Variants in UNC50 observed in about 807,000 individuals in gnomAD.
UNC50 encodes the protein protein unc-50 homolog.
Under a neutral mutation model 31.5 loss-of-function variants are expected in UNC50, and 24 were observed. The ratio of observed to expected loss-of-function variants is 0.76; its 90% CI spans 0.55 to 1.07. The LOEUF (loss-of-function observed/expected upper bound fraction) is 1.07, where lower values mean the gene tolerates loss of function less well. Among genes scored for constraint, UNC50 ranks in the 50% least tolerant of loss-of-function variants. The pLI is 0.00. For synonymous variants in UNC50, 118 were observed against 114.7 expected (o/e 1.03, Z -0.18); for missense variants, 245 against 304.2 (o/e 0.81, Z 1.45).
chr2:98,610,773 A>G lies in UNC50; in HGVS notation c.281-2A>G, dbSNP rs199639979. On this transcript the variant is annotated splice_acceptor_variant, in intron 2 of 5. Coordinates refer to ENST00000357765, the MANE Select transcript of UNC50 (RefSeq NM_014044.7). LOFTEE classifies it high-confidence loss of function. ...AATGAATCTTGTGAATCTTTCTTTC[A>G]GTGTCCACTATAGGATTTGGCTTTG... is the stretch of plus-strand genomic sequence containing the variant. 4 of 1,613,242 alleles carry G rather than the reference A, an allele frequency of 2.5e-6. No individual in the cohort carries two copies. In the African/African-American group the frequency reaches 4.0e-5, roughly 16 times the overall value.
rs376319322 is a variant in UNC50 at position 98,618,352 on chromosome 2, G to T, written c.*48G>T. ...GTAACTGTGTCAACAGTATTGTGAA[G>T]TGATCATTTCTTGTAAAACTTGTAA... is the stretch of plus-strand genomic sequence containing the variant. On this transcript the variant is annotated 3_prime_UTR_variant, in exon 6 of 6. Coordinates refer to ENST00000357765, the MANE Select transcript of UNC50 (RefSeq NM_014044.7). 1 of 1,515,630 alleles carries T rather than the reference G, an allele frequency of 6.6e-7. No homozygotes were observed. Among genetic ancestry groups the T allele is most frequent in the South Asian group, 1.3e-5 (1 of 74,762 alleles). 93.9% of individuals were successfully genotyped at this position (1,515,630 alleles called of 1,614,324 possible). A position where few individuals can be genotyped will look rare whatever the true frequency, so the allele number is the denominator to read the frequency against.
At chr2:98,613,685 C>T (rs984902784) in intron 3 of UNC50, among the ~76,000 whole-genome samples, 16 of 152,202 alleles carry the variant, frequency 1.1e-4, no homozygotes, top group Non-Finnish European at 1.9e-4. Flanking sequence ...TTTGGGGACA[C>T]AGCCAAACAA....
In UNC50 at chr2:98,610,757, T is replaced by TG. The variant is rs762943218; in HGVS notation, c.281-17dup. ...CCTAGCAGAGTCCCTAAATGAATCT[T>TG]GTGAATCTTTCTTTCAGTGTCCACT... is the stretch of plus-strand genomic sequence containing the variant. On this transcript the variant is annotated splice_polypyrimidine_tract_variant and intron_variant, in intron 2 of 5. Coordinates refer to ENST00000357765, the MANE Select transcript of UNC50 (RefSeq NM_014044.7). The TG allele has an allele frequency of 6.2e-7, 1 of 1,612,914 alleles. No individual in the cohort carries two copies. Among genetic ancestry groups the TG allele is most frequent in the Non-Finnish European group, 8.5e-7 (1 of 1,179,568 alleles).
chr2:98,610,653 G>A (rs1700811239), intron 2 of UNC50, 122 bp from the exon 3 acceptor site: 2 of 1,256,328 alleles, frequency 1.6e-6, no homozygotes, highest in South Asian at 3.0e-5. Context: ...CACACATCTT[G>A]GGAGTTTTGT....
At position 98,618,317 on chromosome 2, in the gene UNC50, A is replaced by AGAT. The variant is rs1700972646; in HGVS notation, c.*14_*16dup. 1 of 1,587,878 alleles carries AGAT rather than the reference A, an allele frequency of 6.3e-7. No homozygotes were observed. Among genetic ancestry groups the AGAT allele is most frequent in the East Asian group, 2.2e-5 (1 of 44,670 alleles). On this transcript the variant is annotated 3_prime_UTR_variant, in exon 6 of 6. Coordinates refer to ENST00000357765, the MANE Select transcript of UNC50 (RefSeq NM_014044.7). The stretch of plus-strand genomic sequence containing the variant: ...CAGAGTGAAATAAAAAGTGAGAAGA[A>AGAT]GATTCAATCGTAACTGTGTCAACAG...
At chr2:98,612,558 C>T (rs1029613643) in intron 3 of UNC50, among the ~76,000 whole-genome samples, 3 of 152,138 alleles carry the variant, frequency 2.0e-5, no homozygotes, top group Non-Finnish European at 2.9e-5. Context: ...TACAGGCACA[C>T]ACCACCACAC....
At chr2:98,617,380 G>A (rs772680142) in intron 5 of UNC50, among the ~76,000 whole-genome samples, 1 of 152,130 alleles carries the variant, frequency 6.6e-6, no homozygotes, top group Non-Finnish European at 1.5e-5. Flanking sequence ...GTAATGCCTT[G>A]TTTGGGGAGT....
At chr2:98,618,102 A>G (rs1339481840) in intron 5 of UNC50, 66 bp from the exon 6 acceptor site, 2 of 1,425,382 alleles carry the variant, frequency 1.4e-6, no homozygotes, top group Non-Finnish European at 1.9e-6. Flanking sequence ...GTCTTTCAAA[A>G]TGTTCATTTA....
chr2:98,611,968 G>GCC lies in UNC50; in HGVS notation c.401+1080_401+1081dup, dbSNP rs1336436643. On this transcript the variant is annotated intron_variant, in intron 3 of 5. Transcript: ENST00000357765. Reference sequence around the variant, plus strand: ...TTTCTCTCATACACACACACCCTCCGCCCCCCCCGCCCCCCCACCGCCACA... The same window carrying GCC: ...TTTCTCTCATACACACACACCCTCCGCCCCCCCCCCGCCCCCCCACCGCCACA... 4.6e-4 allele frequency among the ~76,000 whole-genome samples: 46 copies of GCC among 100,108 alleles called. 3 individuals are homozygous for GCC. In the East Asian group the frequency reaches 0.012, roughly 26 times the overall value. The allele number at this position is 100,108 out of a possible 152,430, so 65.7% of individuals were successfully genotyped here.
chr2:98,612,513 G>A (rs546855267), intron 3 of UNC50, among the ~76,000 whole-genome samples: 21 of 151,876 alleles, frequency 1.4e-4, no homozygotes, highest in African/African-American at 3.9e-4. Flanking sequence ...GGGTTCAAGC[G>A]AATCTCCTGC....
chr2:98,617,616 A>C (rs1700951355), intron 5 of UNC50, among the ~76,000 whole-genome samples: 1 of 152,168 alleles, frequency 6.6e-6, no homozygotes, highest in Non-Finnish European at 1.5e-5. Context: ...CCGCTAACTA[A>C]GCAGTGAGCA....
chr2:98,618,194 A>ATTC lies in UNC50; in HGVS notation c.675_677dup (p.Leu226dup), dbSNP rs545898735. ...ATTGCCATTTTTGAAAAATACAGTA[A>ATTC]TTCTTCTGTATCCATTTGCACCTCT... On this transcript the variant is annotated inframe_insertion, in exon 6 of 6. Transcript: ENST00000357765. 15 of 1,597,304 alleles carry ATTC rather than the reference A, an allele frequency of 9.4e-6. No individual in the cohort carries two copies. In the South Asian group the frequency reaches 1.5e-4, roughly 16 times the overall value.
chr2:98,615,287 A>G (rs533679646), intron 3 of UNC50, among the ~76,000 whole-genome samples: 2 of 152,358 alleles, frequency 1.3e-5, no homozygotes, highest in East Asian at 1.9e-4. Context: ...TGATGAGTTT[A>G]TATTTCCAGT....
chr2:98,616,570 T>C, intron 5 of UNC50, 37 bp downstream of exon 5: 1 of 1,544,258 alleles, frequency 6.5e-7, no homozygotes, highest in Non-Finnish European at 8.9e-7. Flanking sequence ...GTTGAGAACA[T>C]AGCAAGAGGG....
intron 3 of UNC50, among the ~76,000 whole-genome samples, chr2:98,613,321 A>G (rs1022649582): frequency 6.6e-6 from 1 of 152,250 alleles, no homozygotes; most frequent in Non-Finnish European, 1.5e-5. Flanking sequence ...TTCTGCCCTG[A>G]ATGCAGTAAT....
intron 2 of UNC50, among the ~76,000 whole-genome samples, chr2:98,610,486 G>C (rs973337120): frequency 1.3e-5 from 2 of 152,202 alleles, no homozygotes; most frequent in African/African-American, 4.8e-5. Context: ...GAAGTTTATA[G>C]GGTGTTTTGC....
In UNC50 at chr2:98,608,660, G is replaced by T. The variant is rs1700755425; in HGVS notation, c.-71G>T. The T allele has an allele frequency of 5.5e-6, 3 of 546,696 alleles. No individual in the cohort carries two copies. Among genetic ancestry groups the T allele is most frequent in the East Asian group, 3.2e-5 (1 of 31,282 alleles). The allele number at this position is 546,696 out of a possible 1,614,324, so 33.9% of individuals were successfully genotyped here. A position where few individuals can be genotyped will look rare whatever the true frequency, so the allele number is the denominator to read the frequency against. The stretch of plus-strand genomic sequence containing the variant: ...AGGGAAGCCCGCCCGGTGGCGGCTG[G>T]GGTCGGCTGCTGGGAGGAGGTGGTG... On this transcript the variant is annotated 5_prime_UTR_variant, in exon 1 of 6. Coordinates refer to ENST00000357765, the MANE Select transcript of UNC50 (RefSeq NM_014044.7).
chr2:98,618,189 C>G lies in UNC50; in HGVS notation c.665C>G (p.Thr222Arg), dbSNP rs767280307. The part of the protein sequence containing the change: ...GYSALPFLKN[T>R]VILLYPFAPL... ...CCAGCATTGCCATTTTTGAAAAATA[C>G]AGTAATTCTTCTGTATCCATTTGCA... The change falls in exon 6 of 6, where the codon ACA (threonine) becomes AGA (arginine). Residue 222 changes from threonine (T) to arginine (R), a missense_variant. Physicochemically the swap from Thr to Arg is moderately conservative, Grantham distance 71. Transcript: ENST00000357765. The G allele has an allele frequency of 5.1e-6, 8 of 1,580,866 alleles. No homozygotes were observed. The South Asian group carries it at 9.4e-5, about 19-fold the overall frequency.
intron 3 of UNC50, among the ~76,000 whole-genome samples, chr2:98,614,629 C>T (rs376303667): frequency 9.7e-4 from 147 of 152,290 alleles, no homozygotes; most frequent in African/African-American, 3.3e-3. Flanking sequence ...AAGACTCTCA[C>T]TGAGGCCAGA....
Sources: gnomAD v4.1 joint callset for allele counts (sites outside exome capture counted in the v4.1 genomes callset) on GRCh38, gnomAD v4.1.1 for gene constraint, MANE v1.5 for transcripts, NCBI Gene and HGNC (gene_info 2026-07-23, HGNC 2026-07-21) for gene names.